The following ANKRD44 variants were observed in gnomAD, a reference collection of about 807,000 sequenced individuals.
ANKRD44 encodes ankyrin repeat domain 44, also known as serine/threonine-protein phosphatase 6 regulatory ankyrin repeat subunit B.
A neutral mutation model predicts 116.0 loss-of-function variants in ANKRD44; 35 were observed. The ratio of observed to expected loss-of-function variants is 0.30; its 90% CI spans 0.23 to 0.40. ANKRD44 has a LOEUF of 0.40. Among genes scored for constraint, ANKRD44 ranks in the 10% least tolerant of loss-of-function variants. The pLI is 1.00. For missense variants in ANKRD44, 1,014 were observed against 1,242.6 expected, an observed-to-expected ratio of 0.82 and a Z score of 2.77; for synonymous variants, 435 against 461.8, an observed-to-expected ratio of 0.94 and a Z score of 0.74.
chr2:197,298,446 G>A (rs932834372), intron 1 of ANKRD44, among the ~76,000 whole-genome samples: 2 of 152,068 alleles, frequency 1.3e-5, no homozygotes, highest in Admixed American at 1.3e-4. Flanking sequence ...TATTTCCTTG[G>A]GCAGCAAAAC....
intron 1 of ANKRD44, among the ~76,000 whole-genome samples, chr2:197,273,912 G>A (rs2082970883): frequency 7.4e-6 from 1 of 135,920 alleles, no homozygotes; most frequent in Non-Finnish European, 1.5e-5. Flanking sequence ...GGATTCAGAT[G>A]TTTCCACCTC....
intron 4 of ANKRD44, among the ~76,000 whole-genome samples, chr2:197,130,485 G>A (rs536417683): frequency 6.6e-6 from 1 of 152,270 alleles, no homozygotes; most frequent in African/African-American, 2.4e-5. Flanking sequence ...CTTTTGAAAA[G>A]GCAAATTTCT....
At chr2:197,131,373 A>G (rs1336137320) in intron 4 of ANKRD44, among the ~76,000 whole-genome samples, 1 of 151,802 alleles carries the variant, frequency 6.6e-6, no homozygotes, top group Non-Finnish European at 1.5e-5. Flanking sequence ...TTGTATTTTT[A>G]GTAGAGACGG....
chr2:197,030,226 C>G (rs1265379610), intron 16 of ANKRD44: 1 of 152,338 alleles, frequency 6.6e-6, no homozygotes, highest in African/African-American at 2.4e-5. Context: ...ATATTGTGAA[C>G]TTTGTTCACA....
At chr2:196,993,523 C>T (rs758694019) in intron 27 of ANKRD44, 60 bp downstream of exon 27, 16 of 1,364,702 alleles carry the variant, frequency 1.2e-5, no homozygotes, top group Admixed American at 9.9e-5. Flanking sequence ...TTCTCATTTC[C>T]TCTGGCTTCA....
Position 197,007,913 on chromosome 2 carries a change from T to C in ANKRD44, c.2023A>G (p.Met675Val). The change falls in exon 20 of 28, where the codon ATG becomes GTG. Residue 675 changes from methionine to valine, a missense_variant. Transcript: ENST00000282272. ...VKDAKGQTPL[M>V]LAVAYGHIDA... is the part of the protein sequence containing the mutation. ...ATATGTCCATATGCTACTGCAAGCA[T>C]CAGTGGTGTTCTAGGCAGAGAGATA... is the stretch of plus-strand genomic sequence containing the variant. 1 of 1,612,798 alleles carries C rather than the reference T, an allele frequency of 6.2e-7. No homozygotes were observed. The highest frequency in any genetic ancestry group is 8.5e-7 in the Non-Finnish European group (1 of 1,178,912).
At chr2:197,267,571 A>G (rs150178169) in intron 1 of ANKRD44, among the ~76,000 whole-genome samples, 142 of 152,358 alleles carry the variant, frequency 9.3e-4, no homozygotes, top group African/African-American at 3.1e-3. Flanking sequence ...TAGATAGGTA[A>G]AAGGCCAGAT....
rs1183840303 is a variant in ANKRD44 at position 197,276,206 on chromosome 2, T to G, written c.27+34372A>C. Among the ~76,000 whole-genome samples the G allele has an allele frequency of 5.1e-5, 7 of 138,170 alleles. No individual in the cohort carries two copies. The East Asian group carries it at 1.5e-3, about 29-fold the overall frequency. The allele number at this position is 138,170 out of a possible 152,430, so 90.6% of individuals were successfully genotyped here. On this transcript the variant is annotated intron_variant, in intron 1 of 27. Transcript: ENST00000282272. Reference sequence around the variant, plus strand: ...AGGAGAATCACTTGAACCTGGGAGGTAGAAGTTGCAGGGGGCTGAAATCAT... The same window carrying G: ...AGGAGAATCACTTGAACCTGGGAGGGAGAAGTTGCAGGGGGCTGAAATCAT...
intron 16 of ANKRD44, 141 bp downstream of exon 16, chr2:197,078,562 C>T: frequency 2.6e-6 from 4 of 1,512,620 alleles, no homozygotes; most frequent in Non-Finnish European, 2.7e-6. Context: ...TTTTTGAAAT[C>T]AGAATTCATG....
In ANKRD44 at chr2:197,263,997, G is replaced by A. The variant is rs922003341; in HGVS notation, c.27+46581C>T. 2.0e-5 allele frequency among the ~76,000 whole-genome samples: 3 copies of A among 152,214 alleles called. No homozygotes were observed. In the South Asian group the frequency reaches 6.2e-4, roughly 31 times the overall value. The stretch of plus-strand genomic sequence containing the variant: ...AAGCCCGGTACAGTGGTATGCATCT[G>A]TAGTCCCAGCTACACCTGAGGCTGA... On this transcript the variant is annotated intron_variant, in intron 1 of 27. Transcript: ENST00000282272.
chr2:197,269,648 A>C (rs2082842312), intron 1 of ANKRD44, among the ~76,000 whole-genome samples: 1 of 152,204 alleles, frequency 6.6e-6, no homozygotes. Context: ...CATTTCTTTA[A>C]GCCATGCCAC....
chr2:197,229,506 T>C (rs2125758648), intron 1 of ANKRD44, among the ~76,000 whole-genome samples: 1 of 152,322 alleles, frequency 6.6e-6, no homozygotes, highest in Non-Finnish European at 1.5e-5. Flanking sequence ...GATAGAAGAC[T>C]TAATGAATTA....
At chr2:197,220,764 G>T (rs968149390) in intron 1 of ANKRD44, among the ~76,000 whole-genome samples, 8 of 152,138 alleles carry the variant, frequency 5.3e-5, no homozygotes, top group Admixed American at 5.2e-4. Flanking sequence ...AAACCTCTGA[G>T]ACATTTAACA....
intron 2 of ANKRD44, among the ~76,000 whole-genome samples, chr2:197,148,078 A>G (rs2079550592): frequency 6.6e-6 from 1 of 152,180 alleles, no homozygotes; most frequent in South Asian, 2.1e-4. Flanking sequence ...CCTCATCTGT[A>G]AATTGGCGAT....
chr2:196,967,140 A>T (rs2075677642), exon 22 of ANKRD44: 1 of 177,948 alleles, frequency 5.6e-6, no homozygotes, highest in African/African-American at 2.3e-5. Flanking sequence ...AAAGAATTTC[A>T]AAGTGCTCTA....
intron 1 of ANKRD44, among the ~76,000 whole-genome samples, chr2:197,218,918 C>A (rs1262182874): frequency 6.6e-6 from 1 of 151,224 alleles, no homozygotes; most frequent in Non-Finnish European, 1.5e-5. Context: ...CACCACCACG[C>A]CCAGCTAATT....
At chr2:197,005,309 C>A (rs1478911466) in intron 21 of ANKRD44, among the ~76,000 whole-genome samples, 1 of 152,032 alleles carries the variant, frequency 6.6e-6, no homozygotes, top group African/African-American at 2.4e-5. Flanking sequence ...TACTAGTAAT[C>A]AATTGTGACA....
intron 2 of ANKRD44, among the ~76,000 whole-genome samples, chr2:197,159,481 A>G (rs1218339587): frequency 6.6e-6 from 1 of 152,098 alleles, no homozygotes; most frequent in Non-Finnish European, 1.5e-5. Context: ...ATAATAAAAG[A>G]CTTTCCTATT....
chr2:197,014,980 G>C lies in ANKRD44; in HGVS notation c.1723-1268C>G, dbSNP rs116489850. 350 of 177,540 alleles carry C rather than the reference G, an allele frequency of 2.0e-3. 3 individuals are homozygous for C. The highest frequency in any genetic ancestry group is 8.0e-3 in the African/African-American group (336 of 41,796). The allele number at this position is 177,540 out of a possible 1,614,324, so 11.0% of individuals were successfully genotyped here. On this transcript the variant is annotated intron_variant, in intron 17 of 27. Transcript: ENST00000282272. ...TATATGGGGTGAAATGGGTATGGGG[G>C]ACATGGTCAAGAGCAGTTGAGAAAA...
Sources: allele counts gnomAD v4.1 joint callset (sites outside exome capture counted in the v4.1 genomes callset), GRCh38; gene constraint gnomAD v4.1.1; transcripts MANE v1.5; gene names NCBI Gene and HGNC (gene_info 2026-07-23, HGNC 2026-07-21).